PRKCB: variants seen among roughly 807,000 people sequenced by gnomAD.
PRKCB encodes protein kinase C beta type.
Under a neutral mutation model 81.5 loss-of-function variants are expected in PRKCB, and 13 were observed. The observed-to-expected ratio is 0.16, with a 90% CI of 0.10 to 0.25. The LOEUF (loss-of-function observed/expected upper bound fraction) is 0.25, where lower values mean the gene tolerates loss of function less well. Among genes scored for constraint, PRKCB ranks in the 10% least tolerant of loss-of-function variants. The pLI is 1.00. For missense variants in PRKCB, 509 were observed against 875.7 expected (o/e 0.58, Z 5.29); for synonymous variants, 335 against 321.4 (o/e 1.04, Z -0.45).
At chr16:24,119,465 A>G (rs1051130270) in intron 8 of PRKCB, among the ~76,000 whole-genome samples, 1 of 152,152 alleles carries the variant, frequency 6.6e-6, no homozygotes, top group Non-Finnish European at 1.5e-5. Flanking sequence ...TGGATGGGAA[A>G]GTTCCCAGGA....
At chr16:24,076,565 C>T (rs1389063390) in intron 5 of PRKCB, among the ~76,000 whole-genome samples, 1 of 152,174 alleles carries the variant, frequency 6.6e-6, no homozygotes, top group East Asian at 1.9e-4. Flanking sequence ...CAGTGGATGA[C>T]TCACGTCTAG....
At chr16:24,156,148 C>T (rs1193357293) in intron 10 of PRKCB, among the ~76,000 whole-genome samples, 1 of 152,174 alleles carries the variant, frequency 6.6e-6, no homozygotes, top group Non-Finnish European at 1.5e-5. Flanking sequence ...CCTCCCTTCA[C>T]CTATTACTTA....
At chr16:23,901,124 A>T (rs1277417054) in intron 2 of PRKCB, among the ~76,000 whole-genome samples, 2 of 152,092 alleles carry the variant, frequency 1.3e-5, no homozygotes, top group East Asian at 1.9e-4. Flanking sequence ...TCAAAACACA[A>T]TTGCCAAGGA....
chr16:24,158,551 T>C (rs761207042), intron 10 of PRKCB, among the ~76,000 whole-genome samples: 1 of 129,770 alleles, frequency 7.7e-6, no homozygotes, highest in Non-Finnish European at 1.7e-5. Flanking sequence ...AGTATATGTA[T>C]ATGTATATGT....
intron 2 of PRKCB, among the ~76,000 whole-genome samples, chr16:23,966,366 C>A (rs932343987): frequency 6.6e-6 from 1 of 152,194 alleles, no homozygotes; most frequent in African/African-American, 2.4e-5. Context: ...GCTGCCTTCA[C>A]CTCTTTCTGG....
chr16:24,045,513 C>G (rs1201287487), intron 5 of PRKCB, among the ~76,000 whole-genome samples: 1 of 152,190 alleles, frequency 6.6e-6, no homozygotes, highest in East Asian at 1.9e-4. Context: ...CCCTGCCCTC[C>G]CAGGCCCACC....
At chr16:24,005,726 G>T (rs186288341) in intron 3 of PRKCB, among the ~76,000 whole-genome samples, 94 of 152,250 alleles carry the variant, frequency 6.2e-4, no homozygotes, top group African/African-American at 2.2e-3. Context: ...TCCATTTCCT[G>T]CCTCAGTGTG....
chr16:24,142,987 C>T (rs1966925206), intron 9 of PRKCB, among the ~76,000 whole-genome samples: 1 of 152,150 alleles, frequency 6.6e-6, no homozygotes, highest in Non-Finnish European at 1.5e-5. Context: ...ACAGTATATA[C>T]ACATGAGCTG....
intron 2 of PRKCB, among the ~76,000 whole-genome samples, chr16:23,939,047 A>G (rs1964103437): frequency 6.6e-6 from 1 of 152,242 alleles, no homozygotes. Context: ...TGCCAGATAC[A>G]GGGGAAACAT....
Position 23,952,369 on chromosome 16 carries a change from ACT to A in PRKCB, c.206-36136_206-36135del, listed in dbSNP as rs1349811609. Among the ~76,000 whole-genome samples the A allele has an allele frequency of 4.0e-5, 6 of 151,656 alleles. No homozygotes were observed. In the East Asian group the frequency reaches 9.6e-4, roughly 24 times the overall value. ...GCACGTCAGGGGTTTAGCAGTTAAA[ACT>A]CTTAGTGCTGCATATTCTGCGTATG... On this transcript the variant is annotated intron_variant, in intron 2 of 16. Transcript: ENST00000643927.
At position 24,216,810 on chromosome 16, in the gene PRKCB, A is replaced by C; in HGVS notation, c.*1994A>C. On this transcript the variant is annotated 3_prime_UTR_variant, in exon 17 of 17. Transcript: ENST00000643927. ...AGCTCCCTCACTTTATTGTTGAGAA[A>C]CTGGCATCTGGAAAGAGGAAGGAAT... 5.1e-6 allele frequency: 5 copies of C among 985,458 alleles called. No homozygotes were observed. Among genetic ancestry groups the C allele is most frequent in the Non-Finnish European group, 6.0e-6 (5 of 829,954 alleles). The allele number at this position is 985,458 out of a possible 1,614,324, so 61.0% of individuals were successfully genotyped here. A position where few individuals can be genotyped will look rare whatever the true frequency, so the allele number is the denominator to read the frequency against.
intron 2 of PRKCB, among the ~76,000 whole-genome samples, chr16:23,974,730 T>G (rs1964602534): frequency 2.0e-5 from 3 of 152,130 alleles, no homozygotes. Context: ...AGAACTCTAG[T>G]TATCTAAAGG....
chr16:24,031,700 A>G (rs2141854422), intron 3 of PRKCB, among the ~76,000 whole-genome samples: 1 of 152,250 alleles, frequency 6.6e-6, no homozygotes, highest in Non-Finnish European at 1.5e-5. Flanking sequence ...AAGCAGGGAG[A>G]TTTCACATCC....
intron 5 of PRKCB, among the ~76,000 whole-genome samples, chr16:24,044,184 G>A (rs944108939): frequency 3.3e-5 from 5 of 151,950 alleles, no homozygotes; most frequent in South Asian, 4.2e-4. Context: ...GTGAAACCCC[G>A]TCTCTACTAA....
intron 2 of PRKCB, among the ~76,000 whole-genome samples, chr16:23,920,383 G>A (rs1268094228): frequency 2.6e-5 from 4 of 152,148 alleles, no homozygotes; most frequent in African/African-American, 9.7e-5. Context: ...ATAAATTCTG[G>A]CATTTAAACC....
intron 3 of PRKCB, among the ~76,000 whole-genome samples, chr16:24,004,880 T>C (rs1162981931): frequency 6.6e-6 from 1 of 152,220 alleles, no homozygotes; most frequent in Non-Finnish European, 1.5e-5. Context: ...TCAGGATAAA[T>C]GCATAGATTT....
chr16:24,192,124 TAATG>T (rs1967802820), intron 16 of PRKCB, among the ~76,000 whole-genome samples: 1 of 152,234 alleles, frequency 6.6e-6, no homozygotes, highest in Non-Finnish European at 1.5e-5. Context: ...AAGAAGATAA[TAATG>T]GTAGTTATTT....
intron 5 of PRKCB, among the ~76,000 whole-genome samples, chr16:24,082,687 A>T (rs1966265550): frequency 6.6e-6 from 1 of 152,190 alleles, no homozygotes; most frequent in Admixed American, 6.5e-5. Context: ...CCTCCATCTC[A>T]CACCTTTTGC....
intron 2 of PRKCB, among the ~76,000 whole-genome samples, chr16:23,923,865 A>G (rs748183118): frequency 5.9e-5 from 9 of 152,106 alleles, no homozygotes; most frequent in Non-Finnish European, 8.8e-5. Flanking sequence ...AACCTACCCA[A>G]TAGAAGCACA....
Sources: gnomAD v4.1 joint callset for allele counts (sites outside exome capture counted in the v4.1 genomes callset) on GRCh38, gnomAD v4.1.1 for gene constraint, MANE v1.5 for transcripts, NCBI Gene and HGNC (gene_info 2026-07-23, HGNC 2026-07-21) for gene names.